The following FAM219A variants were observed in gnomAD, a reference collection of about 807,000 sequenced individuals.
FAM219A encodes the protein family with sequence similarity 219 member A, also known as protein FAM219A.
Under a neutral mutation model 23.4 loss-of-function variants are expected in FAM219A, and 7 were observed. That is an observed-to-expected ratio of 0.30 (90% CI 0.17 to 0.56). The LOEUF (loss-of-function observed/expected upper bound fraction) is 0.56, where lower values mean the gene tolerates loss of function less well. Among genes scored for constraint, FAM219A ranks in the 20% least tolerant of loss-of-function variants. FAM219A has a pLI of 0.92. For synonymous variants in FAM219A, 93 were observed against 99.0 expected (o/e 0.94, Z 0.36); for missense variants, 166 against 246.9 (o/e 0.67, Z 2.20).
Position 34,458,151 on chromosome 9 carries a change from C to T in FAM219A, c.60+53G>A. Reference sequence around the variant, plus strand: ...CCCCCCGGCCTGATTCCCTCCCTCCCCCTCAAGCGACGCCCCCTCCGGCCT... The same window carrying T: ...CCCCCCGGCCTGATTCCCTCCCTCCTCCTCAAGCGACGCCCCCTCCGGCCT... On this transcript the variant is annotated intron_variant, in intron 1 of 5. Transcript: ENST00000651358. The surrounding 1 kb of genome is among the most constrained non-coding windows in gnomAD (Gnocchi z 6.6). 2 of 1,525,970 alleles carry T rather than the reference C, an allele frequency of 1.3e-6. No individual in the cohort carries two copies. The highest frequency in any genetic ancestry group is 1.2e-5 in the South Asian group (1 of 82,414). 94.5% of individuals were successfully genotyped at this position (1,525,970 alleles called of 1,614,324 possible).
rs185171258 is a variant in FAM219A at position 34,414,654 on chromosome 9, G to A, written c.61-8690C>T. ...GAGAATCAGGGAAACATAACGGAGA[G>A]GATCTCTCCAAGTGTTATTGGGTCT... On this transcript the variant is annotated intron_variant, in intron 1 of 5. Transcript: ENST00000651358. Among the ~76,000 whole-genome samples, 16 of 152,340 alleles carry A rather than the reference G, an allele frequency of 1.1e-4. No homozygotes were observed. In the East Asian group the frequency reaches 3.1e-3, roughly 29 times the overall value.
intron 1 of FAM219A, among the ~76,000 whole-genome samples, chr9:34,428,990 G>C (rs74644988): frequency 0.016 from 2,493 of 152,206 alleles, 67 homozygotes; most frequent in African/African-American, 0.055. Flanking sequence ...CATTGTCAAC[G>C]GCCCCATCTC....
At chr9:34,423,808 C>T (rs10814110) in intron 1 of FAM219A, among the ~76,000 whole-genome samples, 73,805 of 151,914 alleles carry the variant, frequency 0.49, 19,072 homozygotes, top group Middle Eastern at 0.62. Flanking sequence ...GAGGTCAAAC[C>T]GCTGGGGCAC....
At chr9:34,415,631 T>C (rs2131950223) in intron 1 of FAM219A, among the ~76,000 whole-genome samples, 1 of 152,330 alleles carries the variant, frequency 6.6e-6, no homozygotes, top group East Asian at 1.9e-4. Context: ...CCTTCCTTCT[T>C]TGGGAGTTGG....
chr9:34,417,367 T>C lies in FAM219A; in HGVS notation c.61-11403A>G, dbSNP rs568978986. ...CAGCCCCTAGCTTTATATTCTTACATAGTTTTTGTAACTATCAGTTTAATG... is the reference window on the plus strand; with the variant it reads ...CAGCCCCTAGCTTTATATTCTTACACAGTTTTTGTAACTATCAGTTTAATG... On this transcript the variant is annotated intron_variant, in intron 1 of 5. Transcript: ENST00000651358. The surrounding 1 kb of genome is among the most constrained non-coding windows in gnomAD (Gnocchi z 4.1). 4.9e-4 allele frequency among the ~76,000 whole-genome samples: 75 copies of C among 152,320 alleles called. 2 individuals carry two copies. The South Asian group carries it at 0.015, about 31-fold the overall frequency.
Position 34,417,931 on chromosome 9 carries a change from T to G in FAM219A, c.61-11967A>C, listed in dbSNP as rs1459588130. 6.6e-6 allele frequency among the ~76,000 whole-genome samples: 1 copy of G among 152,232 alleles called. No homozygotes were observed. The highest frequency in any genetic ancestry group is 6.5e-5 in the Admixed American group (1 of 15,286). On this transcript the variant is annotated intron_variant, in intron 1 of 5. Coordinates refer to ENST00000651358, the MANE Select transcript of FAM219A (RefSeq NM_001184940.2). This position sits in a 1 kb window ranked among gnomAD's most constrained non-coding sequence, Gnocchi z 4.1. The stretch of plus-strand genomic sequence containing the variant: ...TGGAGCACTGGCACTGCCTGGCAAC[T>G]GGGCACTGTGCTTTAGCCAGTCCTC...
intron 1 of FAM219A, among the ~76,000 whole-genome samples, chr9:34,413,646 G>A (rs570845486): frequency 6.6e-6 from 1 of 152,316 alleles, no homozygotes; most frequent in South Asian, 2.1e-4. Flanking sequence ...ACAGAACACA[G>A]AAGAATTTTC....
chr9:34,415,162 C>T (rs1483579243), intron 1 of FAM219A, among the ~76,000 whole-genome samples: 1 of 151,894 alleles, frequency 6.6e-6, no homozygotes, highest in Admixed American at 6.6e-5. Context: ...CTATGATGCC[C>T]CAGTTGGGAA....
chr9:34,422,335 A>G (rs1456562244), intron 1 of FAM219A, among the ~76,000 whole-genome samples: 1 of 152,220 alleles, frequency 6.6e-6, no homozygotes, highest in East Asian at 1.9e-4. Flanking sequence ...TCATTTTAAA[A>G]TTGAAGAACT....
chr9:34,409,381 C>A (rs1482116436), intron 1 of FAM219A, among the ~76,000 whole-genome samples: 1 of 152,182 alleles, frequency 6.6e-6, no homozygotes, highest in African/African-American at 2.4e-5. Flanking sequence ...AGAAAAGACT[C>A]CAGGCAGAAG....
At chr9:34,423,884 T>A (rs1292587930) in intron 1 of FAM219A, among the ~76,000 whole-genome samples, 2 of 152,192 alleles carry the variant, frequency 1.3e-5, no homozygotes, top group East Asian at 3.8e-4. Flanking sequence ...GGTTTCCTCC[T>A]GACTCAGGTG....
intron 2 of FAM219A, among the ~76,000 whole-genome samples, chr9:34,403,472 A>T (rs1821524729): frequency 6.6e-6 from 1 of 152,232 alleles, no homozygotes; most frequent in Non-Finnish European, 1.5e-5. Context: ...TGGGAGGTGC[A>T]GGATGGGGCT....
Position 34,398,423 on chromosome 9 carries a change from TA to T in FAM219A, c.*2540del. ...GGGGAAGGGTGGCAGGAGGGCAAGC[TA>T]AGGCCTAGATTCTTCCCTCCAACCT... is the stretch of plus-strand genomic sequence containing the variant. On this transcript the variant is annotated 3_prime_UTR_variant, in exon 6 of 6. Coordinates refer to ENST00000651358, the MANE Select transcript of FAM219A (RefSeq NM_001184940.2). 9.2e-6 allele frequency: 14 copies of T among 1,527,370 alleles called. No homozygotes were observed. The highest frequency in any genetic ancestry group is 1.2e-5 in the Non-Finnish European group (13 of 1,126,808). 94.6% of individuals were successfully genotyped at this position (1,527,370 alleles called of 1,614,324 possible). A position where few individuals can be genotyped will look rare whatever the true frequency, so the allele number is the denominator to read the frequency against.
chr9:34,447,589 T>G (rs1156813295), intron 1 of FAM219A, among the ~76,000 whole-genome samples: 1 of 152,212 alleles, frequency 6.6e-6, no homozygotes, highest in Non-Finnish European at 1.5e-5. Context: ...TAATAGGGCC[T>G]TTCCTCGCCA....
chr9:34,445,685 G>T (rs768799633), intron 1 of FAM219A, among the ~76,000 whole-genome samples: 1 of 152,206 alleles, frequency 6.6e-6, no homozygotes, highest in Non-Finnish European at 1.5e-5. Context: ...TGATGTAGAA[G>T]AACTTAATTG....
intron 1 of FAM219A, among the ~76,000 whole-genome samples, chr9:34,430,839 C>T (rs1039981603): frequency 9.2e-6 from 1 of 108,824 alleles, no homozygotes; most frequent in Non-Finnish European, 1.9e-5. Flanking sequence ...GAGACCATGT[C>T]TCCAAATAAC....
At chr9:34,441,627 C>T (rs927474188) in intron 1 of FAM219A, among the ~76,000 whole-genome samples, 1 of 152,160 alleles carries the variant, frequency 6.6e-6, no homozygotes, top group Non-Finnish European at 1.5e-5. Context: ...TAACAGGGTT[C>T]TTTGCTGTAC....
chr9:34,416,808 A>ATGTTT (rs60995496), intron 1 of FAM219A, among the ~76,000 whole-genome samples: 12,012 of 113,162 alleles, frequency 0.11, 778 homozygotes, highest in Non-Finnish European at 0.11. Flanking sequence ...TCAGCTCTCC[A>ATGTTT]TTTTTTTTTT....
In FAM219A at chr9:34,398,409, G is replaced by T. The variant is rs1821297549; in HGVS notation, c.*2555C>A. On this transcript the variant is annotated 3_prime_UTR_variant, in exon 6 of 6. Transcript: ENST00000651358. The stretch of plus-strand genomic sequence containing the variant: ...GGCAGTATCTACAAGGGGAAGGGTG[G>T]CAGGAGGGCAAGCTAAGGCCTAGAT... The T allele has an allele frequency of 2.6e-6, 4 of 1,543,916 alleles. No individual in the cohort carries two copies. In the African/African-American group the frequency reaches 5.5e-5, roughly 21 times the overall value.
Sources: allele counts gnomAD v4.1 joint callset (sites outside exome capture counted in the v4.1 genomes callset), GRCh38; gene constraint gnomAD v4.1.1; non-coding constraint Gnocchi (gnomAD v3.1); transcripts MANE v1.5; gene names NCBI Gene and HGNC (gene_info 2026-07-23, HGNC 2026-07-21).